The following PTPRN2 variants were observed in gnomAD, a reference collection of about 807,000 sequenced individuals.
PTPRN2 encodes protein tyrosine phosphatase receptor type N2, also known as receptor-type tyrosine-protein phosphatase N2.
PTPRN2 carries 74 observed loss-of-function variants against 118.8 expected under a neutral mutation model. The observed-to-expected ratio is 0.62, with a 90% CI of 0.52 to 0.76. The LOEUF is 0.76. Among genes scored for constraint, PTPRN2 ranks in the 30% least tolerant of loss-of-function variants. The pLI is 0.00. For synonymous variants in PTPRN2, 641 were observed against 608.0 expected, an observed-to-expected ratio of 1.05 and a Z score of -0.80; for missense variants, 1,481 against 1,394.4, an observed-to-expected ratio of 1.06 and a Z score of -0.99.
intron 3 of PTPRN2, among the ~76,000 whole-genome samples, chr7:158,252,917 G>C (rs1796778575): frequency 6.6e-6 from 1 of 152,054 alleles, no homozygotes; most frequent in Non-Finnish European, 1.5e-5. Context: ...TTTCTCAAAG[G>C]AGACCTTAAT....
intron 3 of PTPRN2, among the ~76,000 whole-genome samples, chr7:158,217,883 C>G (rs1026592416): frequency 4.6e-5 from 7 of 151,546 alleles, no homozygotes; most frequent in African/African-American, 1.7e-4. Context: ...CACAGGCAGA[C>G]AAAAATAAAG....
intron 11 of PTPRN2, among the ~76,000 whole-genome samples, chr7:158,073,434 C>T (rs1267941107): frequency 6.6e-6 from 1 of 152,224 alleles, no homozygotes; most frequent in Non-Finnish European, 1.5e-5. Flanking sequence ...CTGCAGGCTC[C>T]AAGTGCACCT....
intron 12 of PTPRN2, among the ~76,000 whole-genome samples, chr7:157,782,025 C>T (rs917280369): frequency 3.9e-5 from 6 of 152,242 alleles, no homozygotes; most frequent in Non-Finnish European, 7.3e-5. Context: ...TTCCCAGGTG[C>T]GGGCACACAG....
chr7:157,780,881 C>T lies in PTPRN2; in HGVS notation c.1789-97944G>A, dbSNP rs892722175. Among the ~76,000 whole-genome samples, 1 of 152,290 alleles carries T rather than the reference C, an allele frequency of 6.6e-6. No homozygotes were observed. The highest frequency in any genetic ancestry group is 2.1e-4 in the South Asian group (1 of 4,830). ...GACAGAATACTCACTAACCAAAGGT[C>T]GGTTTCACTTCTCTCCTCAGTGCAC... is the stretch of plus-strand genomic sequence containing the variant. On this transcript the variant is annotated intron_variant, in intron 12 of 22. Coordinates refer to ENST00000389418, the MANE Select transcript of PTPRN2 (RefSeq NM_002847.5). This position sits in a 1 kb window ranked among gnomAD's most constrained non-coding sequence, Gnocchi z 4.5.
intron 3 of PTPRN2, among the ~76,000 whole-genome samples, chr7:158,283,291 C>T (rs1799552134): frequency 1.3e-5 from 2 of 152,224 alleles, no homozygotes; most frequent in Admixed American, 1.3e-4. Flanking sequence ...CTGTGAGCCT[C>T]AGGCAGCTCC....
chr7:157,928,098 C>A (rs888893104), intron 11 of PTPRN2, among the ~76,000 whole-genome samples: 1 of 152,142 alleles, frequency 6.6e-6, no homozygotes, highest in Non-Finnish European at 1.5e-5. Context: ...TGCACTGTTG[C>A]AGCACTTTAT....
At chr7:157,965,775 A>T (rs1275998556) in intron 11 of PTPRN2, among the ~76,000 whole-genome samples, 2 of 152,220 alleles carry the variant, frequency 1.3e-5, no homozygotes, top group Admixed American at 1.3e-4. Flanking sequence ...ATAGCATTTC[A>T]GAGTCTTATT....
intron 13 of PTPRN2, among the ~76,000 whole-genome samples, chr7:157,670,223 G>T (rs894809525): frequency 2.0e-5 from 3 of 152,172 alleles, no homozygotes; most frequent in Admixed American, 2.0e-4. Context: ...GGTGCTCCAC[G>T]TGAAGCACAG....
chr7:158,330,308 T>A (rs1325551018), intron 2 of PTPRN2, among the ~76,000 whole-genome samples: 1 of 92,878 alleles, frequency 1.1e-5, no homozygotes. Flanking sequence ...CCATAAGAGC[T>A]GACACCCGCA....
chr7:158,042,326 G>A (rs937126501), intron 11 of PTPRN2, among the ~76,000 whole-genome samples: 3 of 152,130 alleles, frequency 2.0e-5, no homozygotes, highest in African/African-American at 4.8e-5. Context: ...CGGGAGTTCC[G>A]GTGGATTCAG....
intron 1 of PTPRN2, among the ~76,000 whole-genome samples, chr7:158,567,770 C>G (rs1442363811): frequency 1.3e-5 from 2 of 152,118 alleles, no homozygotes; most frequent in African/African-American, 4.8e-5. Context: ...CTGCACCCCC[C>G]CACACCTGAT....
At chr7:157,574,644 C>G (rs751619927) in intron 19 of PTPRN2, among the ~76,000 whole-genome samples, 1 of 152,196 alleles carries the variant, frequency 6.6e-6, no homozygotes, top group East Asian at 1.9e-4. Context: ...TCACACATCT[C>G]GGTGCCTGGC....
At chr7:158,079,249 G>A (rs1812612891) in intron 11 of PTPRN2, among the ~76,000 whole-genome samples, 1 of 152,178 alleles carries the variant, frequency 6.6e-6, no homozygotes, top group Non-Finnish European at 1.5e-5. Context: ...ACACGTTCAA[G>A]AAGCAAGAAA....
At chr7:158,512,396 G>A (rs142356021) in intron 1 of PTPRN2, among the ~76,000 whole-genome samples, 313 of 152,310 alleles carry the variant, frequency 2.1e-3, no homozygotes, top group East Asian at 8.1e-3. Context: ...AGGAGGCAGC[G>A]TCTGGAATAA....
chr7:157,923,582 T>G (rs189534564), intron 11 of PTPRN2, among the ~76,000 whole-genome samples: 1 of 152,148 alleles, frequency 6.6e-6, no homozygotes, highest in Non-Finnish European at 1.5e-5. Flanking sequence ...CTCAAATTAT[T>G]TGGGGGCAAA....
chr7:158,182,988 T>C (rs1333709645), intron 5 of PTPRN2, among the ~76,000 whole-genome samples: 1 of 152,220 alleles, frequency 6.6e-6, no homozygotes, highest in Non-Finnish European at 1.5e-5. Context: ...TTGGTGCATA[T>C]AAATTTAGAA....
At position 157,783,573 on chromosome 7, in the gene PTPRN2, C is replaced by T. The variant is rs898972450; in HGVS notation, c.1789-100636G>A. ...CTAATTCTGAGCATGCAGGGGCCAG[C>T]GGAGTCCATACTAAAGTTGACCGAT... On this transcript the variant is annotated intron_variant, in intron 12 of 22. Coordinates refer to ENST00000389418, the MANE Select transcript of PTPRN2 (RefSeq NM_002847.5). 3.3e-5 allele frequency among the ~76,000 whole-genome samples: 5 copies of T among 150,078 alleles called. No homozygotes were observed. In the East Asian group the frequency reaches 7.8e-4, roughly 23 times the overall value.
Position 157,861,024 on chromosome 7 carries a change from A to G in PTPRN2, c.1788+37649T>C, listed in dbSNP as rs983196244. Among the ~76,000 whole-genome samples the G allele has an allele frequency of 6.6e-6, 1 of 152,192 alleles. No individual in the cohort carries two copies. The highest frequency in any genetic ancestry group is 1.9e-4 in the East Asian group (1 of 5,190). On this transcript the variant is annotated intron_variant, in intron 12 of 22. Transcript: ENST00000389418. This position sits in a 1 kb window ranked among gnomAD's most constrained non-coding sequence, Gnocchi z 5.8. ...TGTGGCCCAGTCCAGGGAGCTGTGG[A>G]GAGGTGGGGGGCAGGGTGACCTTCT...
Position 157,869,483 on chromosome 7 carries a change from C to T in PTPRN2, c.1788+29190G>A, listed in dbSNP as rs1418008880. 6.6e-6 allele frequency among the ~76,000 whole-genome samples: 1 copy of T among 152,194 alleles called. No individual in the cohort carries two copies. Among genetic ancestry groups the T allele is most frequent in the African/African-American group, 2.4e-5 (1 of 41,436 alleles). ...TAAACTTTATTTCTCAACATAATCT[C>T]CACCAGGGCCAAGACACTTTTGCAA... On this transcript the variant is annotated intron_variant, in intron 12 of 22. Coordinates refer to ENST00000389418, the MANE Select transcript of PTPRN2 (RefSeq NM_002847.5). This position sits in a 1 kb window ranked among gnomAD's most constrained non-coding sequence, Gnocchi z 4.2.
Sources: gnomAD v4.1 joint callset for allele counts (sites outside exome capture counted in the v4.1 genomes callset) on GRCh38, gnomAD v4.1.1 for gene constraint, Gnocchi (gnomAD v3.1) non-coding constraint, MANE v1.5 for transcripts, NCBI Gene and HGNC (gene_info 2026-07-23, HGNC 2026-07-21) for gene names.